Variants in EDDM13 observed in about 807,000 individuals in gnomAD.
EDDM13 encodes the protein epididymal protein 13.
EDDM13 carries 24 observed loss-of-function variants against 17.8 expected under a neutral mutation model. That is an observed-to-expected ratio of 1.35 (90% confidence interval 0.98 to 1.90). The LOEUF is 1.90. Ranked by LOEUF, EDDM13 falls within the 40% of genes most tolerant of loss-of-function variation. EDDM13 has a pLI of 0.00. For synonymous variants in EDDM13, 31 were observed against 37.5 expected, an observed-to-expected ratio of 0.83 and a Z score of 0.63; for missense variants, 97 against 100.8, an observed-to-expected ratio of 0.96 and a Z score of 0.16.
intron 4 of EDDM13, chr19:56,282,903 T>C (rs2038819672): frequency 6.6e-6 from 1 of 152,232 alleles, no homozygotes; most frequent in South Asian, 2.1e-4. Context: ...TTCCTAGAGA[T>C]AGCAATCTGG....
At chr19:56,273,226 G>C (rs1422108742) in intron 1 of EDDM13, among the ~76,000 whole-genome samples, 1 of 152,210 alleles carries the variant, frequency 6.6e-6, no homozygotes, top group East Asian at 1.9e-4. Context: ...AGAATCCCCA[G>C]TTCATGGGAC....
intron 10 of EDDM13, 130 bp downstream of exon 10, chr19:56,296,097 TCA>T (rs1365046275): frequency 6.6e-6 from 1 of 152,336 alleles, no homozygotes; most frequent in Admixed American, 6.5e-5. Flanking sequence ...TCACGTCAAC[TCA>T]CAGTCTAGTG....
intron 9 of EDDM13, among the ~76,000 whole-genome samples, 154 bp downstream of exon 9, chr19:56,291,000 G>A (rs1271414477): frequency 6.6e-6 from 1 of 152,206 alleles, no homozygotes; most frequent in Non-Finnish European, 1.5e-5. Context: ...CCTCTCTGAA[G>A]GGGTTTCAGG....
chr19:56,295,175 T>C (rs1191785090), intron 9 of EDDM13: 1 of 152,210 alleles, frequency 6.6e-6, no homozygotes, highest in African/African-American at 2.4e-5. Flanking sequence ...GTTATGTGAA[T>C]TATATTAATA....
chr19:56,277,775 G>A (rs1024291190), intron 2 of EDDM13, among the ~76,000 whole-genome samples: 4 of 152,146 alleles, frequency 2.6e-5, no homozygotes, highest in African/African-American at 7.2e-5. Context: ...GCAGGGAGGT[G>A]AGGGATGAAA....
intron 13 of EDDM13, among the ~76,000 whole-genome samples, chr19:56,302,613 C>CCCCTTCCTTT (rs2040403244): frequency 2.7e-5 from 3 of 112,516 alleles, no homozygotes; most frequent in Non-Finnish European, 1.8e-5. Flanking sequence ...CTTCCTCTCC[C>CCCCTTCCTTT]TCTTCCTCCC....
intron 2 of EDDM13, among the ~76,000 whole-genome samples, chr19:56,278,267 G>A (rs2038417510): frequency 6.6e-6 from 1 of 152,106 alleles, no homozygotes; most frequent in Non-Finnish European, 1.5e-5. Context: ...CCAAGTAGCT[G>A]GGACTATAGG....
intron 12 of EDDM13, among the ~76,000 whole-genome samples, chr19:56,298,737 T>C (rs1002376784): frequency 2.0e-5 from 3 of 151,948 alleles, no homozygotes; most frequent in Admixed American, 6.6e-5. Context: ...CACAAAAAAG[T>C]CTTTCAGGAT....
chr19:56,284,135 C>T (rs2038925362), intron 4 of EDDM13, 63 bp from the exon 5 acceptor site: 1 of 985,024 alleles, frequency 1.0e-6, no homozygotes, highest in African/African-American at 1.7e-5. Context: ...TTGGGGACAA[C>T]ATTCTGGACC....
chr19:56,280,505 A>T (rs957055213), intron 2 of EDDM13: 5 of 152,188 alleles, frequency 3.3e-5, no homozygotes, highest in Admixed American at 1.3e-4. Context: ...ATGTAGAATT[A>T]TATCTATATA....
At chr19:56,290,440 C>T (rs1405387860) in intron 8 of EDDM13, among the ~76,000 whole-genome samples, 2 of 152,172 alleles carry the variant, frequency 1.3e-5, no homozygotes, top group African/African-American at 4.8e-5. Context: ...CATTTATTGA[C>T]CTCTGAGCTA....
At chr19:56,284,774 A>T (rs552867210) in intron 5 of EDDM13, among the ~76,000 whole-genome samples, 9 of 152,020 alleles carry the variant, frequency 5.9e-5, no homozygotes, top group Non-Finnish European at 1.3e-4. Flanking sequence ...TCAGCCCCCA[A>T]AGTGCTAGGA....
intron 4 of EDDM13, chr19:56,283,544 C>T (rs1314919252): frequency 6.6e-6 from 1 of 152,102 alleles, no homozygotes; most frequent in Non-Finnish European, 1.5e-5. Flanking sequence ...TCAGTGATAC[C>T]GAGAAAGGTG....
At chr19:56,305,772 A>C (rs1285787666) in intron 14 of EDDM13, among the ~76,000 whole-genome samples, 4 of 152,108 alleles carry the variant, frequency 2.6e-5, no homozygotes, top group African/African-American at 7.2e-5. Flanking sequence ...GAACTAAAGA[A>C]CCTTGCCCTG....
chr19:56,293,047 C>T lies in EDDM13; in HGVS notation c.232+2201C>T, dbSNP rs578126282. Among the ~76,000 whole-genome samples, 22 of 152,308 alleles carry T rather than the reference C, an allele frequency of 1.4e-4. 1 individual carries two copies. In the South Asian group the frequency reaches 4.6e-3, roughly 32 times the overall value. On this transcript the variant is annotated intron_variant, in intron 9 of 14. Coordinates refer to ENST00000649256, the MANE Select transcript of EDDM13 (RefSeq NM_001354658.2). ...TCCACATTCAAAGCCATCTAAACCC[C>T]AGTTCTGAGACACCATCCTGTCCAT...
intron 6 of EDDM13, among the ~76,000 whole-genome samples, chr19:56,287,700 T>C (rs2039231477): frequency 6.6e-6 from 1 of 152,078 alleles, no homozygotes; most frequent in African/African-American, 2.4e-5. Flanking sequence ...CACAGACTCA[T>C]GGGGCTAGAA....
intron 9 of EDDM13, among the ~76,000 whole-genome samples, chr19:56,295,313 G>C (rs1444329249): frequency 6.6e-6 from 1 of 152,110 alleles, no homozygotes; most frequent in East Asian, 1.9e-4. Context: ...TGGAAAAAAG[G>C]CCTGGCATGG....
At chr19:56,290,981 T>C (rs1446188119) in intron 9 of EDDM13, among the ~76,000 whole-genome samples, 135 bp downstream of exon 9, 1 of 152,228 alleles carries the variant, frequency 6.6e-6, no homozygotes, top group Non-Finnish European at 1.5e-5. Context: ...ACCCTCCATC[T>C]GCTGCTCCCC....
intron 12 of EDDM13, among the ~76,000 whole-genome samples, chr19:56,300,933 G>C (rs1568722393): frequency 6.6e-6 from 1 of 152,156 alleles, no homozygotes; most frequent in Non-Finnish European, 1.5e-5. Flanking sequence ...GGTCGGATCT[G>C]GTGCTAGAAA....
Sources: gnomAD v4.1 joint callset for allele counts (sites outside exome capture counted in the v4.1 genomes callset) on GRCh38, gnomAD v4.1.1 for gene constraint, MANE v1.5 for transcripts, NCBI Gene and HGNC (gene_info 2026-07-23, HGNC 2026-07-21) for gene names.